Variants in ANKRD26 observed in about 807,000 individuals in gnomAD.
The protein encoded by ANKRD26 is ankyrin repeat domain 26, also known as ankyrin repeat domain-containing protein 26.
In ANKRD26, 141 loss-of-function variants were observed where a neutral mutation model predicts 208.7. The ratio of observed to expected loss-of-function variants is 0.68; its 90% CI spans 0.59 to 0.78. The LOEUF (loss-of-function observed/expected upper bound fraction) is 0.78, where lower values mean the gene tolerates loss of function less well. Among genes scored for constraint, ANKRD26 ranks in the 30% least tolerant of loss-of-function variants. The pLI is 0.00. For missense variants in ANKRD26, 1,889 were observed against 1,938.7 expected, an observed-to-expected ratio of 0.97 and a Z score of 0.48; for synonymous variants, 636 against 660.4, an observed-to-expected ratio of 0.96 and a Z score of 0.57.
At position 27,005,545 on chromosome 10, in the gene ANKRD26, G is replaced by A. The variant is rs767758965; in HGVS notation, c.*45C>T. ...CATGTCATATATTAATATTTAATGA[G>A]AAACAAAATGTCACATAAACAGCCC... On this transcript the variant is annotated 3_prime_UTR_variant, in exon 34 of 34. Transcript: ENST00000376087. The A allele has an allele frequency of 1.7e-5, 27 of 1,586,780 alleles. No homozygotes were observed. In the African/African-American group the frequency reaches 3.2e-4, roughly 19 times the overall value.
chr10:27,046,404 A>G lies in ANKRD26; in HGVS notation c.1934T>C (p.Leu645Pro). ...GKASLLTGGL[L>P]QVDDDSSLSE... ...TAAACTGCTGTCATCATCCACTTGT[A>G]GCAGGCCACCAGTTAGTAAACTGGC... is the stretch of plus-strand genomic sequence containing the variant. The change falls in exon 18 of 34, where the codon CTA becomes CCA. Residue 645 changes from leucine (L) to proline (P), a missense_variant. Transcript: ENST00000376087. The G allele has an allele frequency of 6.2e-7, 1 of 1,614,162 alleles. No individual in the cohort carries two copies. The highest frequency in any genetic ancestry group is 8.5e-7 in the Non-Finnish European group (1 of 1,180,032).
At chr10:27,072,036 A>G (rs1398237091) in intron 9 of ANKRD26, among the ~76,000 whole-genome samples, 1 of 152,198 alleles carries the variant, frequency 6.6e-6, no homozygotes, top group African/African-American at 2.4e-5. Flanking sequence ...TATCATCTTG[A>G]GTGGGGATAA....
Position 27,100,065 on chromosome 10 carries a change from G to A in ANKRD26, c.242+20C>T, listed in dbSNP as rs376773890. The stretch of plus-strand genomic sequence containing the variant: ...CGCCTACTCCAGTGGCACTCAGTCC[G>A]GGCTTGCGACGCCTATTACCTGTTC... On this transcript the variant is annotated intron_variant, in intron 1 of 33. Coordinates refer to ENST00000376087, the MANE Select transcript of ANKRD26 (RefSeq NM_014915.3). 28 of 1,613,218 alleles carry A rather than the reference G, an allele frequency of 1.7e-5. No individual in the cohort carries two copies. Among genetic ancestry groups the A allele is most frequent in the Middle Eastern group, 3.3e-4 (2 of 6,084 alleles).
Position 27,005,730 on chromosome 10 carries a change from T to TG in ANKRD26, c.5000-8dup, listed in dbSNP as rs1183513672. The TG allele has an allele frequency of 6.2e-7, 1 of 1,604,622 alleles. No homozygotes were observed. Among genetic ancestry groups the TG allele is most frequent in the African/African-American group, 1.3e-5 (1 of 74,568 alleles). On this transcript the variant is annotated splice_polypyrimidine_tract_variant and splice_region_variant and intron_variant, in intron 33 of 33. Transcript: ENST00000376087. Reference sequence around the variant, plus strand: ...GATTCCAATTCAGCAGCAGCTAGAATGAAAAAGAAAGAATTATATTCCTTA... The same window carrying TG: ...GATTCCAATTCAGCAGCAGCTAGAATGGAAAAAGAAAGAATTATATTCCTTA...
intron 5 of ANKRD26, 66 bp from the exon 6 acceptor site, chr10:27,082,899 T>C (rs1589360586): frequency 6.6e-7 from 1 of 1,524,828 alleles, no homozygotes; most frequent in Non-Finnish European, 8.9e-7. Context: ...ATTTAAAGCA[T>C]AAGACTGATA....
chr10:26,998,492 C>G (rs1033945432), intron 4 of ANKRD26, among the ~76,000 whole-genome samples: 5 of 152,074 alleles, frequency 3.3e-5, no homozygotes, highest in African/African-American at 4.8e-5. Context: ...CTAGCCATCT[C>G]TTAGCTTTAG....
In ANKRD26 at chr10:27,067,240, T is replaced by C; in HGVS notation, c.1124A>G (p.Asp375Gly). ...PGIAKKENGI[D>G]IIESAPLEQT... ...CTCTAGTGGAGCACTTTCAATAATA[T>C]CAATACCATTTTCTTTTTTTGCAAT... The change falls in exon 10 of 34, where the codon GAT becomes GGT. Residue 375 changes from aspartate to glycine, a missense_variant. This residue lies in a region of ANKRD26 where 1,272 missense variants were observed against 1,273.8 expected (regional missense o/e 1.00). Coordinates refer to ENST00000376087, the MANE Select transcript of ANKRD26 (RefSeq NM_014915.3). 2.5e-6 allele frequency: 4 copies of C among 1,613,880 alleles called. No individual in the cohort carries two copies. Among genetic ancestry groups the C allele is most frequent in the Non-Finnish European group, 3.4e-6 (4 of 1,179,958 alleles).
In ANKRD26 at chr10:27,077,390, T is replaced by C; in HGVS notation, c.1025A>G (p.Asp342Gly). The C allele has an allele frequency of 6.2e-7, 1 of 1,614,042 alleles. No individual in the cohort carries two copies. The highest frequency in any genetic ancestry group is 8.5e-7 in the Non-Finnish European group (1 of 1,179,968). The change falls in exon 9 of 34, where the codon GAC (aspartate) becomes GGC (glycine). Residue 342 changes from aspartate to glycine, a missense_variant. Transcript: ENST00000376087. ...CTTGTGGGAAGGTTTTGGAAGAAGG[T>C]CAGGTGATTGATAGGTAGGATGAGA... ...CFSHPTYQSP[D>G]LLPKPSHKSL...
intron 16 of ANKRD26, among the ~76,000 whole-genome samples, chr10:27,053,038 T>C (rs2054714761): frequency 6.6e-6 from 1 of 152,120 alleles, no homozygotes; most frequent in Non-Finnish European, 1.5e-5. Flanking sequence ...AAGGAAGTTA[T>C]AAAAATGAAA....
intron 3 of ANKRD26, among the ~76,000 whole-genome samples, chr10:26,983,800 T>C (rs1323779481): frequency 6.6e-6 from 1 of 152,178 alleles, no homozygotes; most frequent in Non-Finnish European, 1.5e-5. Flanking sequence ...CCTAAGAGTC[T>C]TTTCAATGGG....
In ANKRD26 at chr10:27,022,687, T is replaced by A. The variant is rs1430490480; in HGVS notation, c.4086A>T (p.Gly1362=). The change falls in exon 29 of 34, where the codon GGA becomes GGT. Residue 1362 remains glycine (G), a splice_region_variant and synonymous_variant. Transcript: ENST00000376087. The part of the protein sequence containing the change: ...KNVELEREIT[G]FKNLLKMTRK... ...TTGTCATTTTTAAGAGGTTCTTAAATCTGCAGGAAGGTACAAAATGAGTAA... is the reference window on the plus strand; with the variant it reads ...TTGTCATTTTTAAGAGGTTCTTAAAACTGCAGGAAGGTACAAAATGAGTAA... The A allele has an allele frequency of 6.3e-7, 1 of 1,582,812 alleles. No individual in the cohort carries two copies. The highest frequency in any genetic ancestry group is 1.7e-5 in the Admixed American group (1 of 58,762).
intron 16 of ANKRD26, chr10:27,052,208 A>G: frequency 2.1e-6 from 2 of 971,554 alleles, no homozygotes; most frequent in Non-Finnish European, 2.4e-6. Context: ...TGTTAAACTT[A>G]GTCTATGTTT....
chr10:26,977,337 A>C (rs2052242718), intron 5 of ANKRD26, among the ~76,000 whole-genome samples: 1 of 152,194 alleles, frequency 6.6e-6, no homozygotes, highest in South Asian at 2.1e-4. Flanking sequence ...AGTCTCAAAA[A>C]AGTGTTTGGA....
intron 6 of ANKRD26, among the ~76,000 whole-genome samples, chr10:27,081,131 A>C (rs1472577909): frequency 6.6e-6 from 1 of 152,184 alleles, no homozygotes; most frequent in Non-Finnish European, 1.5e-5. Flanking sequence ...AAACCTTGAG[A>C]GTTTGTCAGT....
intron 13 of ANKRD26, 138 bp from the exon 14 acceptor site, chr10:27,060,678 T>C: frequency 1.4e-6 from 1 of 738,330 alleles, no homozygotes; most frequent in Non-Finnish European, 2.3e-6. Flanking sequence ...ATGTTTTTTA[T>C]TTTGGTTAGG....
the ANKRD26 span, among the ~76,000 whole-genome samples, chr10:26,949,276 A>G: frequency 6.6e-6 from 1 of 152,160 alleles, no homozygotes; most frequent in African/African-American, 2.4e-5. Flanking sequence ...AGTATGATAT[A>G]CATGTCCTCA....
At chr10:27,012,609 G>T (rs954533068) in intron 32 of ANKRD26, among the ~76,000 whole-genome samples, 12 of 152,040 alleles carry the variant, frequency 7.9e-5, no homozygotes, top group African/African-American at 2.2e-4. Flanking sequence ...GAAACCAGAA[G>T]TTTGAGACCA....
intron 5 of ANKRD26, among the ~76,000 whole-genome samples, chr10:26,994,075 C>T (rs189773092): frequency 1.3e-5 from 2 of 152,312 alleles, no homozygotes; most frequent in Admixed American, 6.5e-5. Context: ...GGCTATCATA[C>T]ACTAAATATA....
intron 27 of ANKRD26, among the ~76,000 whole-genome samples, chr10:27,026,025 C>T (rs1473770901): frequency 6.6e-6 from 1 of 152,160 alleles, no homozygotes; most frequent in Non-Finnish European, 1.5e-5. Context: ...GACCAGCATA[C>T]TTTGTCTTTG....
Sources: allele counts gnomAD v4.1 joint callset (sites outside exome capture counted in the v4.1 genomes callset), GRCh38; gene constraint gnomAD v4.1.1; regional missense constraint gnomAD v4.1.1; transcripts MANE v1.5; gene names NCBI Gene and HGNC (gene_info 2026-07-23, HGNC 2026-07-21).